Variants in MAP7 observed in about 807,000 individuals in gnomAD.
The protein encoded by MAP7 is ensconsin.
MAP7 carries 52 observed loss-of-function variants against 94.8 expected under a neutral mutation model. That is an observed-to-expected ratio of 0.55 (90% CI 0.44 to 0.69). MAP7 has a LOEUF of 0.69. Ranked by LOEUF, MAP7 falls within the 30% of genes least tolerant of loss-of-function variation. MAP7 has a pLI of 0.00. For synonymous variants in MAP7, 350 were observed against 357.0 expected (o/e 0.98, Z 0.22); for missense variants, 940 against 964.6 (o/e 0.97, Z 0.34).
chr6:136,428,297 C>T (rs1283183051), intron 1 of MAP7, among the ~76,000 whole-genome samples: 2 of 152,108 alleles, frequency 1.3e-5, no homozygotes, highest in Non-Finnish European at 2.9e-5. Context: ...GGGCAGATCA[C>T]CTGAGGTCAG....
chr6:136,405,845 T>C (rs139040078), intron 3 of MAP7, among the ~76,000 whole-genome samples: 2,190 of 152,336 alleles, frequency 0.014, 49 homozygotes, highest in African/African-American at 0.05. Flanking sequence ...GAGTATTTGC[T>C]GATGGATTGG....
In MAP7 at chr6:136,438,241, G is replaced by A. The variant is rs563015218; in HGVS notation, c.68-16442C>T. ...AGAACCATTTATCGTAATAGGCATTGTGCTAGAAGCTTTACATAATCACAT... is the reference window on the plus strand; with the variant it reads ...AGAACCATTTATCGTAATAGGCATTATGCTAGAAGCTTTACATAATCACAT... On this transcript the variant is annotated intron_variant, in intron 1 of 17. Transcript: ENST00000354570. Among the ~76,000 whole-genome samples, 3 of 152,348 alleles carry A rather than the reference G, an allele frequency of 2.0e-5. No individual in the cohort carries two copies. In the South Asian group the frequency reaches 6.2e-4, roughly 32 times the overall value.
chr6:136,360,857 A>C, intron 12 of MAP7, 59 bp from the exon 13 acceptor site: 1 of 1,590,482 alleles, frequency 6.3e-7, no homozygotes, highest in South Asian at 1.1e-5. Context: ...CGGGTCTCCC[A>C]GGGGGTGCCC....
intron 1 of MAP7, among the ~76,000 whole-genome samples, chr6:136,495,467 C>T (rs994590110): frequency 6.6e-5 from 10 of 151,870 alleles, no homozygotes; most frequent in African/African-American, 2.4e-4. Context: ...CACACACACA[C>T]ACACACACAC....
At chr6:136,395,644 T>C (rs1782249083) in intron 3 of MAP7, among the ~76,000 whole-genome samples, 1 of 152,168 alleles carries the variant, frequency 6.6e-6, no homozygotes, top group Admixed American at 6.5e-5. Flanking sequence ...ACCAATGTCC[T>C]GAAGCATTTC....
intron 1 of MAP7, among the ~76,000 whole-genome samples, chr6:136,424,445 C>G (rs1792508910): frequency 6.6e-6 from 1 of 152,014 alleles, no homozygotes; most frequent in African/African-American, 2.4e-5. Context: ...CCATTAGTGT[C>G]ACATGTGAGT....
chr6:136,518,276 A>C (rs1825436303), intron 1 of MAP7, among the ~76,000 whole-genome samples: 1 of 152,194 alleles, frequency 6.6e-6, no homozygotes, highest in Non-Finnish European at 1.5e-5. Context: ...ATACTCCTGA[A>C]CTTCATTCCC....
intron 1 of MAP7, among the ~76,000 whole-genome samples, chr6:136,485,293 A>C (rs1331050104): frequency 7.2e-5 from 11 of 152,236 alleles, no homozygotes. Context: ...TCTGGGATAC[A>C]CTTTACAAAT....
intron 1 of MAP7, among the ~76,000 whole-genome samples, chr6:136,546,591 G>T (rs1829756108): frequency 6.6e-6 from 1 of 152,100 alleles, no homozygotes; most frequent in Non-Finnish European, 1.5e-5. Flanking sequence ...ACCACAGCCG[G>T]AAGTGATTCC....
chr6:136,382,814 G>T (rs1562335904), intron 6 of MAP7, among the ~76,000 whole-genome samples: 1 of 152,028 alleles, frequency 6.6e-6, no homozygotes, highest in Non-Finnish European at 1.5e-5. Flanking sequence ...TTCCCAATCA[G>T]TTTCTTAATA....
At chr6:136,390,980 C>G (rs1032785794) in intron 3 of MAP7, among the ~76,000 whole-genome samples, 2 of 152,150 alleles carry the variant, frequency 1.3e-5, no homozygotes, top group Non-Finnish European at 2.9e-5. Context: ...TTTTAGCTTT[C>G]TTTTGCTTAA....
intron 1 of MAP7, among the ~76,000 whole-genome samples, chr6:136,457,066 T>C (rs1296872027): frequency 1.5e-5 from 2 of 132,710 alleles, no homozygotes; most frequent in African/African-American, 5.6e-5. Context: ...TTAGCTAAAC[T>C]AAAAAAAAAC....
In MAP7 at chr6:136,464,243, T is replaced by G. The variant is rs565462890; in HGVS notation, c.68-42444A>C. On this transcript the variant is annotated intron_variant, in intron 1 of 17. Coordinates refer to ENST00000354570, the MANE Select transcript of MAP7 (RefSeq NM_003980.6). ...TATTAACATTGCATGCTGACTTTCT[T>G]TTCTTCTTCCAAAAGTTAGAACAAA... Among the ~76,000 whole-genome samples, 3 of 152,344 alleles carry G rather than the reference T, an allele frequency of 2.0e-5. No individual in the cohort carries two copies. In the South Asian group the frequency reaches 6.2e-4, roughly 32 times the overall value.
At chr6:136,486,207 T>G (rs1814691947) in intron 1 of MAP7, among the ~76,000 whole-genome samples, 1 of 152,100 alleles carries the variant, frequency 6.6e-6, no homozygotes, top group Admixed American at 6.5e-5. Flanking sequence ...ATAAAAGTGA[T>G]GTGGGGAGGG....
At chr6:136,538,343 G>T (rs543671640) in intron 1 of MAP7, among the ~76,000 whole-genome samples, 16 of 152,318 alleles carry the variant, frequency 1.1e-4, no homozygotes, top group African/African-American at 3.8e-4. Context: ...AAGGCAAGTT[G>T]TATGTTTCCT....
chr6:136,347,878 A>C (rs1227957198), intron 16 of MAP7, among the ~76,000 whole-genome samples: 1 of 152,226 alleles, frequency 6.6e-6, no homozygotes, highest in Non-Finnish European at 1.5e-5. Flanking sequence ...ATACACTGAA[A>C]ACATTATTTG....
chr6:136,505,173 G>A (rs1435681555), intron 1 of MAP7, among the ~76,000 whole-genome samples: 1 of 148,938 alleles, frequency 6.7e-6, no homozygotes, highest in East Asian at 2.0e-4. Context: ...GGTGAAATAA[G>A]CTGAGTTCGC....
chr6:136,408,371 G>A (rs150570637), intron 3 of MAP7, among the ~76,000 whole-genome samples: 1 of 152,160 alleles, frequency 6.6e-6, no homozygotes, highest in Non-Finnish European at 1.5e-5. Flanking sequence ...TACTATAAAA[G>A]CATCAAAGCA....
At chr6:136,515,526 T>C (rs1824544977) in intron 1 of MAP7, among the ~76,000 whole-genome samples, 1 of 152,234 alleles carries the variant, frequency 6.6e-6, no homozygotes, top group Non-Finnish European at 1.5e-5. Context: ...GAGAGGCATG[T>C]AATTCTTCAC....
Sources: allele counts gnomAD v4.1 joint callset (sites outside exome capture counted in the v4.1 genomes callset), GRCh38; gene constraint gnomAD v4.1.1; transcripts MANE v1.5; gene names NCBI Gene and HGNC (gene_info 2026-07-23, HGNC 2026-07-21).